Variants in URAD observed in about 807,000 individuals in gnomAD.
The protein encoded by URAD is ureidoimidazoline (2-oxo-4-hydroxy-4-carboxy-5-) decarboxylase, also known as putative 2-oxo-4-hydroxy-4-carboxy-5-ureidoimidazoline decarboxylase.
Under a neutral mutation model 4.6 loss-of-function variants are expected in URAD, and 4 were observed. The observed-to-expected ratio is 0.87, with a 90% CI of 0.43 to 1.98. The LOEUF is 1.98. Ranked by LOEUF, URAD falls within the 30% of genes most tolerant of loss-of-function variation. URAD has a pLI of 0.03. For synonymous variants in URAD, 144 were observed against 118.2 expected (o/e 1.22, Z -1.41); for missense variants, 300 against 255.3 (o/e 1.18, Z -1.19).
chr13:27,981,293 G>A (rs1300311679), intron 1 of URAD, among the ~76,000 whole-genome samples: 2 of 152,198 alleles, frequency 1.3e-5, no homozygotes, highest in Non-Finnish European at 2.9e-5. Flanking sequence ...GCCCCAGTGG[G>A]AGGCTGGATA....
rs544125742 is a variant in URAD at position 27,982,744 on chromosome 13, TCTCAACTCTAAGTCTTC to T, written c.176-4309_176-4293del. Among the ~76,000 whole-genome samples the T allele has an allele frequency of 4.8e-3, 737 of 152,226 alleles. 5 individuals are homozygous for T. Among genetic ancestry groups the T allele is most frequent in the African/African-American group, 0.017 (698 of 41,540 alleles). On this transcript the variant is annotated intron_variant, in intron 1 of 1. Transcript: ENST00000332715. ...GCAAGCTCCTTCCTCCATCCTGTCT[TCTCAACTCTAAGTCTTC>T]CTCAACTCGGAAAATGGTACCACCA...
intron 1 of URAD, among the ~76,000 whole-genome samples, chr13:27,986,722 G>A (rs1236435479): frequency 6.6e-6 from 1 of 151,440 alleles, no homozygotes; most frequent in Non-Finnish European, 1.5e-5. Flanking sequence ...TTTTTTTCCT[G>A]TAAAGAAATT....
Position 27,977,956 on chromosome 13 carries a change from C to G in URAD, c.*150G>C, listed in dbSNP as rs2137553004. On this transcript the variant is annotated 3_prime_UTR_variant, in exon 2 of 2. Transcript: ENST00000332715. ...TGGGCGGACAAAAGGACTCATTACT[C>G]GTATGATTGCCTCAATTCTCCACTT... The G allele has an allele frequency of 1.6e-6, 1 of 622,938 alleles. No individual in the cohort carries two copies. The highest frequency in any genetic ancestry group is 2.5e-6 in the Non-Finnish European group (1 of 397,798). The allele number at this position is 622,938 out of a possible 1,614,324, so 38.6% of individuals were successfully genotyped here.
At chr13:27,981,547 AATT>A (rs1869878099) in intron 1 of URAD, among the ~76,000 whole-genome samples, 1 of 152,160 alleles carries the variant, frequency 6.6e-6, no homozygotes, top group Non-Finnish European at 1.5e-5. Context: ...CACCTAGAAG[AATT>A]CCTGGCACAG....
At chr13:27,985,656 T>G (rs1325866297) in intron 1 of URAD, among the ~76,000 whole-genome samples, 2 of 152,174 alleles carry the variant, frequency 1.3e-5, no homozygotes, top group African/African-American at 2.4e-5. Flanking sequence ...CCCTAAAAAC[T>G]GTTTCTAGAC....
intron 1 of URAD, among the ~76,000 whole-genome samples, chr13:27,981,562 G>C (rs983816456): frequency 3.3e-5 from 5 of 152,142 alleles, no homozygotes; most frequent in African/African-American, 7.2e-5. Context: ...CTGGCACAGA[G>C]CAGACACTCA....
At chr13:27,980,687 C>A (rs1048386689) in intron 1 of URAD, among the ~76,000 whole-genome samples, 2 of 152,288 alleles carry the variant, frequency 1.3e-5, no homozygotes, top group Admixed American at 6.5e-5. Context: ...GGTCCGGGCG[C>A]GGGGTCTGTC....
At position 27,980,696 on chromosome 13, in the gene URAD, T is replaced by C. The variant is rs1869848768; in HGVS notation, c.176-2244A>G. On this transcript the variant is annotated intron_variant, in intron 1 of 1. Coordinates refer to ENST00000332715, the MANE Select transcript of URAD (RefSeq NM_001105577.2). ...GTGGGAGGTCCGGGCGCGGGGTCTG[T>C]CGTCTTGCCGCCCCCACCAGGCTCC... Among the ~76,000 whole-genome samples, 3 of 152,268 alleles carry C rather than the reference T, an allele frequency of 2.0e-5. No homozygotes were observed. The South Asian group carries it at 6.2e-4, about 32-fold the overall frequency.
chr13:27,986,292 C>A (rs1428406993), intron 1 of URAD, among the ~76,000 whole-genome samples: 1 of 152,188 alleles, frequency 6.6e-6, no homozygotes, highest in African/African-American at 2.4e-5. Context: ...GATTAAGTCC[C>A]AACATCCTGT....
intron 1 of URAD, among the ~76,000 whole-genome samples, chr13:27,984,973 C>T (rs1280520931): frequency 2.0e-5 from 3 of 149,380 alleles, no homozygotes; most frequent in East Asian, 3.9e-4. Flanking sequence ...AGCAAGACTC[C>T]ATCTCAAAAA....
At chr13:27,983,951 T>G (rs1869945651) in intron 1 of URAD, among the ~76,000 whole-genome samples, 1 of 152,244 alleles carries the variant, frequency 6.6e-6, no homozygotes, top group African/African-American at 2.4e-5. Context: ...TATAAGGAAC[T>G]TATTAGTATC....
chr13:27,984,569 T>C (rs906525658), intron 1 of URAD, among the ~76,000 whole-genome samples: 1 of 152,242 alleles, frequency 6.6e-6, no homozygotes, highest in African/African-American at 2.4e-5. Context: ...AATACATGAC[T>C]AGGTAGACCA....
At position 27,978,305 on chromosome 13, in the gene URAD, T is replaced by C. The variant is rs1869774918; in HGVS notation, c.323A>G (p.Asn108Ser). Residue 108 changes from asparagine to serine, a missense_variant, in exon 2 of 2, where the codon AAC (asparagine) becomes AGC (serine). Physicochemically the swap from Asn to Ser is conservative, Grantham distance 46 (BLOSUM62 1). Coordinates refer to ENST00000332715, the MANE Select transcript of URAD (RefSeq NM_001105577.2). The part of the protein sequence containing the change: ...ADERLRLAEL[N>S]AQYRARFGFP... ...ACCGAAGCGCGCGCGGTACTGCGCG[T>C]TGAGCTCGGCCAGCCGCAGCCGCTC... The C allele has an allele frequency of 1.4e-6, 2 of 1,404,088 alleles. No individual in the cohort carries two copies. The highest frequency in any genetic ancestry group is 1.5e-5 in the South Asian group (1 of 64,964). 87.0% of individuals were successfully genotyped at this position (1,404,088 alleles called of 1,614,324 possible).
Position 27,978,242 on chromosome 13 carries a change from G to A in URAD, c.386C>T (p.Thr129Met). The A allele has an allele frequency of 6.9e-7, 1 of 1,457,042 alleles. No individual in the cohort carries two copies. The highest frequency in any genetic ancestry group is 9.0e-7 in the Non-Finnish European group (1 of 1,114,186). 90.3% of individuals were successfully genotyped at this position (1,457,042 alleles called of 1,614,324 possible). A position where few individuals can be genotyped will look rare whatever the true frequency, so the allele number is the denominator to read the frequency against. Residue 129 changes from threonine (T) to methionine (M), a missense_variant, in exon 2 of 2, where the codon ACG becomes ATG. Coordinates refer to ENST00000332715, the MANE Select transcript of URAD (RefSeq NM_001105577.2). Reference protein sequence around the residue: ...FVLAARFSDRTAVPRELARRL... With the variant: ...FVLAARFSDRMAVPRELARRL... ...GCGCGCCAGCTCGCGCGGCACCGCCGTCCGGTCGCTGAAGCGCGCGGCGAG... is the reference window on the plus strand; with the variant it reads ...GCGCGCCAGCTCGCGCGGCACCGCCATCCGGTCGCTGAAGCGCGCGGCGAG...
chr13:27,982,824 C>T (rs1869914369), intron 1 of URAD, among the ~76,000 whole-genome samples: 1 of 152,148 alleles, frequency 6.6e-6, no homozygotes, highest in African/African-American at 2.4e-5. Context: ...TAGGAGTGAC[C>T]ATTCAGCTCT....
At chr13:27,987,405 C>A (rs1870060533) in intron 1 of URAD, among the ~76,000 whole-genome samples, 1 of 152,206 alleles carries the variant, frequency 6.6e-6, no homozygotes, top group Non-Finnish European at 1.5e-5. Flanking sequence ...TCAGTAACTT[C>A]TTTCCCTTCC....
Position 27,978,227 on chromosome 13 carries a change from T to TCGCGCGGCACCGCCGTCCGGTCGCTGAAG in URAD, c.372_400dup (p.Glu134AlafsTer31). 1.4e-6 allele frequency: 2 copies of TCGCGCGGCACCGCCGTCCGGTCGCTGAAG among 1,469,122 alleles called. No individual in the cohort carries two copies. Among genetic ancestry groups the TCGCGCGGCACCGCCGTCCGGTCGCTGAAG allele is most frequent in the Non-Finnish European group, 1.8e-6 (2 of 1,120,404 alleles). 91.0% of individuals were successfully genotyped at this position (1,469,122 alleles called of 1,614,324 possible). ...CGGGCAGAGCAGCCGGCGCGCCAGC[T>TCGCGCGGCACCGCCGTCCGGTCGCTGAAG]CGCGCGGCACCGCCGTCCGGTCGCT... On this transcript the variant is annotated frameshift_variant, in exon 2 of 2. Coordinates refer to ENST00000332715, the MANE Select transcript of URAD (RefSeq NM_001105577.2). LOFTEE classifies it low-confidence loss of function (END_TRUNC).
rs1869754995 is a variant in URAD, at chr13:27,977,880, G to A, written c.*226C>T. The A allele has an allele frequency of 2.1e-6, 1 of 471,090 alleles. No homozygotes were observed. The highest frequency in any genetic ancestry group is 3.7e-6 in the Non-Finnish European group (1 of 269,886). The allele number at this position is 471,090 out of a possible 1,614,324, so 29.2% of individuals were successfully genotyped here. A position where few individuals can be genotyped will look rare whatever the true frequency, so the allele number is the denominator to read the frequency against. On this transcript the variant is annotated 3_prime_UTR_variant, in exon 2 of 2. Coordinates refer to ENST00000332715, the MANE Select transcript of URAD (RefSeq NM_001105577.2). ...TGAAGCAGTGAGCTGGATAAATCCG[G>A]GGCAAAGCACTAAACAATATGGATA...
chr13:27,978,706 C>T (rs2137554079), intron 1 of URAD, among the ~76,000 whole-genome samples: 1 of 152,310 alleles, frequency 6.6e-6, no homozygotes, highest in East Asian at 1.9e-4. Flanking sequence ...CGGTCGGGAC[C>T]AGGATCCAGG....
Sources: gnomAD v4.1 joint callset for allele counts (sites outside exome capture counted in the v4.1 genomes callset) on GRCh38, gnomAD v4.1.1 for gene constraint, MANE v1.5 for transcripts, NCBI Gene and HGNC (gene_info 2026-07-23, HGNC 2026-07-21) for gene names.